CSF2RB: variants seen among roughly 807,000 people sequenced by gnomAD.
CSF2RB encodes cytokine receptor common subunit beta.
Under a neutral mutation model 67.2 loss-of-function variants are expected in CSF2RB, and 22 were observed. The observed-to-expected ratio is 0.33, with a 90% CI of 0.23 to 0.47. The LOEUF (loss-of-function observed/expected upper bound fraction) is 0.47, where lower values mean the gene tolerates loss of function less well. CSF2RB is among the 20% of genes least tolerant of loss of function. The pLI is 1.00. For missense variants in CSF2RB, 1,113 were observed against 1,174.5 expected (o/e 0.95, Z 0.76); for synonymous variants, 507 against 482.9 (o/e 1.05, Z -0.65).
At position 36,924,811 on chromosome 22, in the gene CSF2RB, T is replaced by C. The variant is rs541348257; in HGVS notation, c.201-1176T>C. On this transcript the variant is annotated intron_variant, in intron 3 of 13. Coordinates refer to ENST00000403662, the MANE Select transcript of CSF2RB (RefSeq NM_000395.3). ...CTGACTCTGCCCACAGCTCACCCAG[T>C]GCCCCCGGGGCCCTGCCCATCCTCC... Among the ~76,000 whole-genome samples the C allele has an allele frequency of 2.0e-4, 31 of 152,218 alleles. No individual in the cohort carries two copies. In the South Asian group the frequency reaches 4.6e-3, roughly 22 times the overall value.
chr22:36,938,636 C>G lies in CSF2RB; in HGVS notation c.*134C>G. 3 of 956,712 alleles carry G rather than the reference C, an allele frequency of 3.1e-6. No homozygotes were observed. Among genetic ancestry groups the G allele is most frequent in the South Asian group, 1.7e-5 (1 of 57,614 alleles). 59.3% of individuals were successfully genotyped at this position (956,712 alleles called of 1,614,324 possible). A position where few individuals can be genotyped will look rare whatever the true frequency, so the allele number is the denominator to read the frequency against. Reference sequence around the variant, plus strand: ...GCTAGAGGCCTGGGAAAGGAGATAGCCTTGCTCCGGCCCCCTTGACCTTCA... The same window carrying G: ...GCTAGAGGCCTGGGAAAGGAGATAGGCTTGCTCCGGCCCCCTTGACCTTCA... On this transcript the variant is annotated 3_prime_UTR_variant, in exon 14 of 14. Transcript: ENST00000403662.
intron 13 of CSF2RB, 148 bp downstream of exon 13, chr22:36,936,800 T>C: frequency 1.6e-6 from 1 of 642,346 alleles, no homozygotes; most frequent in Admixed American, 2.8e-5. Context: ...AGGAGGCACC[T>C]GGGGGGGATG....
intron 6 of CSF2RB, 35 bp from the exon 7 acceptor site, chr22:36,930,340 A>T: frequency 6.2e-7 from 1 of 1,612,966 alleles, no homozygotes. Flanking sequence ...GGAGGGATGA[A>T]TGACGGAGTA....
chr22:36,938,746 T>G lies in CSF2RB; in HGVS notation c.*244T>G. ...ATTTTTCCTGTCAGGTTAACTTATT[T>G]GTAGGTTCTGCATTATTAGAACTTT... On this transcript the variant is annotated 3_prime_UTR_variant, in exon 14 of 14. Coordinates refer to ENST00000403662, the MANE Select transcript of CSF2RB (RefSeq NM_000395.3). The G allele has an allele frequency of 1.8e-6, 1 of 567,152 alleles. No individual in the cohort carries two copies. The highest frequency in any genetic ancestry group is 3.1e-6 in the Non-Finnish European group (1 of 321,330). 35.1% of individuals were successfully genotyped at this position (567,152 alleles called of 1,614,324 possible). A position where few individuals can be genotyped will look rare whatever the true frequency, so the allele number is the denominator to read the frequency against.
intron 2 of CSF2RB, chr22:36,922,816 C>T (rs549829424): frequency 3.3e-6 from 1 of 299,032 alleles, no homozygotes; most frequent in East Asian, 8.8e-5. Flanking sequence ...ATACCAGGCT[C>T]CTGAGGACGG....
Position 36,936,628 on chromosome 22 carries a change from G to T in CSF2RB, c.1544G>T (p.Gly515Val), listed in dbSNP as rs954902848. The T allele has an allele frequency of 6.2e-7, 1 of 1,613,446 alleles. No homozygotes were observed. The highest frequency in any genetic ancestry group is 2.2e-5 in the East Asian group (1 of 44,880). Residue 515 changes from glycine to valine, a missense_variant, in exon 13 of 14, where the codon GGC (glycine) becomes GTC (valine). Physicochemically the swap from Gly to Val is moderately radical, Grantham distance 109 (BLOSUM62 -3). Around this residue, in one of 2 missense-constraint regions of CSF2RB, gnomAD observed 554 missense variants for 517.9 expected, o/e 1.07. Transcript: ENST00000403662. ...SGSPPHQGPW[G>V]SRFPELEGVF... ...AGTCCCCCACACCAGGGGCCGTGGG[G>T]CAGCCGCTTCCCTGAGCTGGAGGGG...
At chr22:36,927,466 G>A (rs1941042349) in intron 4 of CSF2RB, among the ~76,000 whole-genome samples, 1 of 150,760 alleles carries the variant, frequency 6.6e-6, no homozygotes, top group Non-Finnish European at 1.5e-5. Flanking sequence ...GTAGACAGGA[G>A]GGGAGGGCAG....
rs767381444 is a variant in CSF2RB, at chr22:36,937,343, G to A, written c.1569-34G>A. On this transcript the variant is annotated intron_variant, in intron 13 of 13. Coordinates refer to ENST00000403662, the MANE Select transcript of CSF2RB (RefSeq NM_000395.3). This position sits in a 1 kb window ranked among gnomAD's most constrained non-coding sequence, Gnocchi z 4.6. ...CTGACCCGGATCATCTGCCCAGGGT[G>A]GTCCCAACTCTTCTGCCCATTTTCT... The A allele has an allele frequency of 6.7e-5, 108 of 1,609,208 alleles. No homozygotes were observed. Among genetic ancestry groups the A allele is most frequent in the Non-Finnish European group, 8.2e-5 (97 of 1,179,736 alleles).
At chr22:36,933,296 C>T (rs1033176360) in intron 9 of CSF2RB, among the ~76,000 whole-genome samples, 1 of 152,182 alleles carries the variant, frequency 6.6e-6, no homozygotes. Context: ...TCTAATGAGT[C>T]GGGGGTGCGC....
In CSF2RB at chr22:36,938,481, C is replaced by A. The variant is rs1941324529; in HGVS notation, c.2673C>A (p.Asn891Lys). Reference protein sequence around the residue: ...DYLSLPPWEVNKPGEVC With the variant: ...DYLSLPPWEVKKPGEVC ...TGTCTCTGCCCCCTTGGGAGGTCAA[C>A]AAGCCTGGGGAGGTGTGTTGAGACC... The change falls in exon 14 of 14, where the codon AAC (asparagine) becomes AAA (lysine). Residue 891 changes from asparagine to lysine, a missense_variant. Transcript: ENST00000403662. The A allele has an allele frequency of 6.2e-7, 1 of 1,613,642 alleles. No homozygotes were observed. The highest frequency in any genetic ancestry group is 1.1e-5 in the South Asian group (1 of 91,088).
At chr22:36,923,485 A>C in intron 3 of CSF2RB, 118 bp downstream of exon 3, 1 of 1,423,804 alleles carries the variant, frequency 7.0e-7, no homozygotes, top group Non-Finnish European at 9.6e-7. Context: ...GAGTGGACAG[A>C]GGACAGAGGA....
intron 9 of CSF2RB, 88 bp downstream of exon 9, chr22:36,932,992 G>C (rs746700215): frequency 1.3e-6 from 2 of 1,544,632 alleles, no homozygotes; most frequent in East Asian, 2.3e-5. Flanking sequence ...GCAAGGCGTC[G>C]GGCCCTTGGC....
chr22:36,919,547 G>A (rs1373781602), intron 1 of CSF2RB, among the ~76,000 whole-genome samples: 1 of 149,646 alleles, frequency 6.7e-6, no homozygotes, highest in Admixed American at 6.7e-5. Flanking sequence ...GATTACAGAC[G>A]TGCGCCACCA....
rs1941010186 is a variant in CSF2RB, at chr22:36,926,093, T to A, written c.307T>A (p.Phe103Ile). 1 of 1,614,174 alleles carries A rather than the reference T, an allele frequency of 6.2e-7. No individual in the cohort carries two copies. The highest frequency in any genetic ancestry group is 1.7e-5 in the Admixed American group (1 of 60,024). The change falls in exon 4 of 14, where the codon TTT (phenylalanine) becomes ATT (isoleucine). Residue 103 changes from phenylalanine (F) to isoleucine (I), a missense_variant. Around this residue, in one of 2 missense-constraint regions of CSF2RB, gnomAD observed 559 missense variants for 656.5 expected, o/e 0.85. Coordinates refer to ENST00000403662, the MANE Select transcript of CSF2RB (RefSeq NM_000395.3). ...GAGATGTGTCATTCCCTGCCAGAGT[T>A]TTGTCGTCACTGACGTTGACTACTT... ...PRRCVIPCQS[F>I]VVTDVDYFSF...
At chr22:36,915,351 C>G (rs755627907) in intron 1 of CSF2RB, among the ~76,000 whole-genome samples, 8 of 151,880 alleles carry the variant, frequency 5.3e-5, no homozygotes, top group Non-Finnish European at 8.8e-5. Context: ...TCCCAAAATG[C>G]TGGGATTACA....
At chr22:36,930,876 C>A in intron 8 of CSF2RB, 46 bp downstream of exon 8, 1 of 1,607,034 alleles carries the variant, frequency 6.2e-7, no homozygotes, top group Non-Finnish European at 8.5e-7. Context: ...GGGACCAGCA[C>A]ACCCTCATTG....
intron 1 of CSF2RB, among the ~76,000 whole-genome samples, chr22:36,917,117 T>A (rs1028972530): frequency 6.6e-6 from 1 of 152,224 alleles, no homozygotes; most frequent in Non-Finnish European, 1.5e-5. Flanking sequence ...GTTTGTTTGT[T>A]CATTTAACCA....
rs1394667140 is a variant in CSF2RB at position 36,923,374 on chromosome 22, G to A, written c.200+7G>A. On this transcript the variant is annotated splice_region_variant and intron_variant, in intron 3 of 13. Coordinates refer to ENST00000403662, the MANE Select transcript of CSF2RB (RefSeq NM_000395.3). ...TCATTCGCCGGGTGAATGAGTGAGT[G>A]ATGCTGGGGGCAGGGGCCACGGGCA... 6 of 1,613,354 alleles carry A rather than the reference G, an allele frequency of 3.7e-6. No individual in the cohort carries two copies. The highest frequency in any genetic ancestry group is 4.2e-6 in the Non-Finnish European group (5 of 1,179,626).
At chr22:36,929,924 A>C in intron 6 of CSF2RB, 117 bp downstream of exon 6, 1 of 1,372,090 alleles carries the variant, frequency 7.3e-7, no homozygotes, top group Non-Finnish European at 1.0e-6. Flanking sequence ...TCCTGCTGCC[A>C]TCTTTCCAGT....
Sources: allele counts gnomAD v4.1 joint callset (sites outside exome capture counted in the v4.1 genomes callset), GRCh38; gene constraint gnomAD v4.1.1; regional missense constraint gnomAD v4.1.1; non-coding constraint Gnocchi (gnomAD v3.1); transcripts MANE v1.5; gene names NCBI Gene and HGNC (gene_info 2026-07-23, HGNC 2026-07-21).